Variants in PDCD6IP observed in about 807,000 individuals in gnomAD.
The protein encoded by PDCD6IP is programmed cell death 6-interacting protein.
A neutral mutation model predicts 103.7 loss-of-function variants in PDCD6IP; 43 were observed. The observed-to-expected ratio is 0.41, with a 90% CI of 0.32 to 0.53. The LOEUF (loss-of-function observed/expected upper bound fraction) is 0.53. Among genes scored for constraint, PDCD6IP ranks in the 20% least tolerant of loss-of-function variants. The pLI, the probability that PDCD6IP is intolerant of heterozygous loss-of-function variation, is 0.16. For missense variants in PDCD6IP, 871 were observed against 1,036.7 expected (o/e 0.84, Z 2.20); for synonymous variants, 354 against 378.7 (o/e 0.93, Z 0.76).
chr3:33,803,112 C>T (rs1018972529), intron 1 of PDCD6IP, among the ~76,000 whole-genome samples: 1 of 152,122 alleles, frequency 6.6e-6, no homozygotes, highest in South Asian at 2.1e-4. Flanking sequence ...TGTTCATGTA[C>T]ATCTTTTACA....
At chr3:33,808,832 C>G (rs967732306) in intron 1 of PDCD6IP, among the ~76,000 whole-genome samples, 2 of 152,176 alleles carry the variant, frequency 1.3e-5, no homozygotes, top group African/African-American at 4.8e-5. Flanking sequence ...CAGTTGCACT[C>G]AAGGCATCAT....
intron 1 of PDCD6IP, among the ~76,000 whole-genome samples, chr3:33,802,002 T>G (rs1323324790): frequency 2.6e-5 from 4 of 152,220 alleles, no homozygotes. Flanking sequence ...TAGGTTCATT[T>G]CTGTGTGGTA....
intron 12 of PDCD6IP, among the ~76,000 whole-genome samples, chr3:33,847,105 C>T (rs903381959): frequency 2.0e-5 from 3 of 152,160 alleles, no homozygotes; most frequent in African/African-American, 4.8e-5. Context: ...GCAGACCCTT[C>T]GAACAGCAAT....
At chr3:33,858,726 C>T (rs1250804752) in intron 15 of PDCD6IP, among the ~76,000 whole-genome samples, 2 of 151,966 alleles carry the variant, frequency 1.3e-5, no homozygotes, top group African/African-American at 2.4e-5. Flanking sequence ...AGGAGAATGG[C>T]GTGAACCCGG....
At chr3:33,812,478 C>A (rs1696741383) in intron 2 of PDCD6IP, among the ~76,000 whole-genome samples, 2 of 152,272 alleles carry the variant, frequency 1.3e-5, no homozygotes, top group South Asian at 4.1e-4. Flanking sequence ...AGTTTATGTG[C>A]TTTAAAAATT....
intron 1 of PDCD6IP, among the ~76,000 whole-genome samples, chr3:33,803,251 A>C (rs925019811): frequency 6.6e-6 from 1 of 152,254 alleles, no homozygotes; most frequent in Non-Finnish European, 1.5e-5. Context: ...AACAATTTAC[A>C]TTCTCATCAG....
intron 15 of PDCD6IP, among the ~76,000 whole-genome samples, chr3:33,860,180 T>C (rs1293740852): frequency 1.3e-5 from 2 of 152,220 alleles, no homozygotes; most frequent in African/African-American, 4.8e-5. Flanking sequence ...TTTAAAATAT[T>C]TTATATTTCA....
intron 7 of PDCD6IP, among the ~76,000 whole-genome samples, chr3:33,835,057 T>C (rs1170389254): frequency 6.6e-6 from 1 of 152,194 alleles, no homozygotes; most frequent in Non-Finnish European, 1.5e-5. Flanking sequence ...TTCTGGCAAA[T>C]TGGCAAATAT....
chr3:33,828,947 G>A lies in PDCD6IP; in HGVS notation c.812G>A (p.Gly271Glu). ...SILAKQQKKF[G>E]EEIARLQHAA... ...CTGGCAAAACAGCAGAAGAAATTTG[G>A]AGAAGAAATTGCAAGGTTACAGGTG... The change falls in exon 7 of 18, where the codon GGA becomes GAA. Residue 271 changes from glycine (G) to glutamate (E), a missense_variant. Gly to Glu is a moderately conservative substitution (Grantham distance 98). This residue lies in a region of PDCD6IP where 242 missense variants were observed against 250.7 expected (regional missense o/e 0.97). Transcript: ENST00000307296. The A allele has an allele frequency of 6.2e-7, 1 of 1,608,982 alleles. No individual in the cohort carries two copies. Among genetic ancestry groups the A allele is most frequent in the Non-Finnish European group, 8.5e-7 (1 of 1,177,184 alleles).
At chr3:33,805,927 A>G (rs1696587090) in intron 1 of PDCD6IP, among the ~76,000 whole-genome samples, 3 of 151,586 alleles carry the variant, frequency 2.0e-5, no homozygotes, top group South Asian at 2.1e-4. Flanking sequence ...TTGTGTTTTT[A>G]GTAGAGACGG....
At chr3:33,828,225 T>C (rs1189182662) in intron 6 of PDCD6IP, among the ~76,000 whole-genome samples, 1 of 152,194 alleles carries the variant, frequency 6.6e-6, no homozygotes, top group Non-Finnish European at 1.5e-5. Context: ...ATATACTTAG[T>C]GCATTTGTCT....
At chr3:33,830,562 A>G (rs147952568) in intron 7 of PDCD6IP, among the ~76,000 whole-genome samples, 100 of 152,258 alleles carry the variant, frequency 6.6e-4, no homozygotes, top group African/African-American at 2.3e-3. Flanking sequence ...CTTTAGTTTT[A>G]CAGCTTTAGT....
intron 1 of PDCD6IP, among the ~76,000 whole-genome samples, chr3:33,808,238 A>G (rs758433706): frequency 2.0e-5 from 3 of 152,232 alleles, no homozygotes; most frequent in Non-Finnish European, 2.9e-5. Context: ...CTGAGAGATT[A>G]TAAATGGAGG....
chr3:33,825,993 C>T (rs931169855), intron 5 of PDCD6IP, among the ~76,000 whole-genome samples: 2 of 151,962 alleles, frequency 1.3e-5, no homozygotes, highest in Non-Finnish European at 2.9e-5. Flanking sequence ...AAGAATAATT[C>T]TTATAAGGCA....
rs3792595 is a variant in PDCD6IP at position 33,836,016 on chromosome 3, T to A, written c.835-28T>A. 0.12 allele frequency: 139,996 copies of A among 1,199,246 alleles called. 13,813 individuals carry two copies. The highest frequency in any genetic ancestry group is 0.38 in the East Asian group (15,782 of 41,640). The allele number at this position is 1,199,246 out of a possible 1,614,324, so 74.3% of individuals were successfully genotyped here. ...AATAAAATCACCTCCCTCTTTTTTT[T>A]TTTTGTTGTTGACGTTTTTCTTTTT... On this transcript the variant is annotated intron_variant, in intron 7 of 17. Transcript: ENST00000307296.
chr3:33,866,360 A>C lies in PDCD6IP; in HGVS notation c.2442A>C (p.Gln814His). Residue 814 changes from glutamine (Q) to histidine (H), a missense_variant, in exon 18 of 18, where the codon CAA becomes CAC. Physicochemically the swap from Gln to His is conservative, Grantham distance 24. Coordinates refer to ENST00000307296, the MANE Select transcript of PDCD6IP (RefSeq NM_013374.6). ...TGTTTTCTTCTATCAGGTATTGCCA[A>C]ATGCCCATGCCCATGGGCTATAATC... ...PTYPGYPGYC[Q>H]MPMPMGYNPY... 2 of 1,544,014 alleles carry C rather than the reference A, an allele frequency of 1.3e-6. No individual in the cohort carries two copies. Among genetic ancestry groups the C allele is most frequent in the South Asian group, 2.5e-5 (2 of 79,202 alleles).
intron 6 of PDCD6IP, among the ~76,000 whole-genome samples, chr3:33,828,120 C>T (rs1697169007): frequency 6.6e-6 from 1 of 152,042 alleles, no homozygotes; most frequent in Non-Finnish European, 1.5e-5. Flanking sequence ...TAATTGCTTT[C>T]CTGCTTTATG....
At position 33,863,888 on chromosome 3, in the gene PDCD6IP, C is replaced by A. The variant is rs1196600243; in HGVS notation, c.2121-118C>A. ...TTGAAATGTAGTATATTTTAAAATA[C>A]CATCATTGTTTGGAATCCATTTTCT... On this transcript the variant is annotated intron_variant, in intron 15 of 17. Coordinates refer to ENST00000307296, the MANE Select transcript of PDCD6IP (RefSeq NM_013374.6). 3.7e-5 allele frequency: 26 copies of A among 694,566 alleles called. No homozygotes were observed. The East Asian group carries it at 6.8e-4, about 18-fold the overall frequency. The allele number at this position is 694,566 out of a possible 1,614,324, so 43.0% of individuals were successfully genotyped here.
At chr3:33,862,200 T>C (rs1241884774) in intron 15 of PDCD6IP, among the ~76,000 whole-genome samples, 1 of 151,882 alleles carries the variant, frequency 6.6e-6, no homozygotes, top group Non-Finnish European at 1.5e-5. Context: ...GATTAAAAAC[T>C]TATTTATTTT....
Sources: allele counts gnomAD v4.1 joint callset (sites outside exome capture counted in the v4.1 genomes callset), GRCh38; gene constraint gnomAD v4.1.1; regional missense constraint gnomAD v4.1.1; transcripts MANE v1.5; gene names NCBI Gene and HGNC (gene_info 2026-07-23, HGNC 2026-07-21).